ARNT2: variants seen among roughly 807,000 people sequenced by gnomAD.
The protein encoded by ARNT2 is ARNT protein 2.
A neutral mutation model predicts 91.7 loss-of-function variants in ARNT2; 36 were observed. That is an observed-to-expected ratio of 0.39 (90% CI 0.30 to 0.52). The LOEUF is 0.52. Among genes scored for constraint, ARNT2 ranks in the 20% least tolerant of loss-of-function variants. The pLI, the probability that ARNT2 is intolerant of heterozygous loss-of-function variation, is 0.72. For missense variants in ARNT2, 775 were observed against 939.3 expected (o/e 0.83, Z 2.29); for synonymous variants, 365 against 347.1 (o/e 1.05, Z -0.57).
Position 80,574,990 on chromosome 15 carries a change from C to A in ARNT2, c.1393C>A (p.Pro465Thr). Residue 465 changes from proline to threonine, a missense_variant, in exon 14 of 19, where the codon CCC (proline) becomes ACC (threonine). Coordinates refer to ENST00000303329, the MANE Select transcript of ARNT2 (RefSeq NM_014862.4). ...GTTTTATTTAATGTGCAAATAGGTC[C>A]CCGTCCCCAACCTACCAGCCGGTGT... ...GLSSYDLSQVPVPNLPAGVHE... is the reference protein window; with the variant it reads ...GLSSYDLSQVTVPNLPAGVHE... 1.2e-6 allele frequency: 2 copies of A among 1,613,892 alleles called. No individual in the cohort carries two copies. Among genetic ancestry groups the A allele is most frequent in the South Asian group, 1.1e-5 (1 of 91,062 alleles).
chr15:80,467,739 G>A (rs1248607565), intron 3 of ARNT2, among the ~76,000 whole-genome samples: 1 of 152,270 alleles, frequency 6.6e-6, no homozygotes, highest in East Asian at 1.9e-4. Flanking sequence ...GTAGGCTGGC[G>A]AGGCGGGGGC....
intron 8 of ARNT2, among the ~76,000 whole-genome samples, chr15:80,524,737 T>A (rs1897610474): frequency 6.6e-6 from 1 of 151,880 alleles, no homozygotes; most frequent in Non-Finnish European, 1.5e-5. Flanking sequence ...TAGCTGGGCG[T>A]GGTGGCGGGC....
intron 1 of ARNT2, among the ~76,000 whole-genome samples, chr15:80,411,656 T>G (rs1895681992): frequency 6.6e-6 from 1 of 152,186 alleles, no homozygotes; most frequent in Admixed American, 6.5e-5. Context: ...AGGTCAGAAT[T>G]GAACAGTCGA....
chr15:80,404,419 G>T lies in ARNT2; in HGVS notation c.-97G>T. On this transcript the variant is annotated 5_prime_UTR_variant, in exon 1 of 19. Coordinates refer to ENST00000303329, the MANE Select transcript of ARNT2 (RefSeq NM_014862.4). The surrounding 1 kb of genome is among the most constrained non-coding windows in gnomAD (Gnocchi z 5.5). ...CGCCGTCCTTTGTGTGGCGGCGGCG[G>T]CGCCTGGGCCTGACCGGGTCCCCGG... 2 of 782,478 alleles carry T rather than the reference G, an allele frequency of 2.6e-6. No individual in the cohort carries two copies. Among genetic ancestry groups the T allele is most frequent in the East Asian group, 9.6e-5 (1 of 10,452 alleles). The allele number at this position is 782,478 out of a possible 1,614,324, so 48.5% of individuals were successfully genotyped here. A position where few individuals can be genotyped will look rare whatever the true frequency, so the allele number is the denominator to read the frequency against.
chr15:80,564,796 T>C (rs1281011484), intron 12 of ARNT2, among the ~76,000 whole-genome samples: 2 of 152,132 alleles, frequency 1.3e-5, no homozygotes, highest in Non-Finnish European at 2.9e-5. Flanking sequence ...GGTTTTTTGA[T>C]TCTGCATTCA....
Position 80,493,884 on chromosome 15 carries a change from T to A in ARNT2, c.623-14272T>A, listed in dbSNP as rs920294605. 3.7e-4 allele frequency among the ~76,000 whole-genome samples: 56 copies of A among 152,230 alleles called. 2 individuals are homozygous for A. Among genetic ancestry groups the A allele is most frequent in the African/African-American group, 1.0e-3 (42 of 41,534 alleles). ...TGCCCTCCCTGTGGAAATGAGTAAGTTCTCACTCTTTTGGTTCACCTGAGA... is the reference window on the plus strand; with the variant it reads ...TGCCCTCCCTGTGGAAATGAGTAAGATCTCACTCTTTTGGTTCACCTGAGA... On this transcript the variant is annotated intron_variant, in intron 5 of 18. Coordinates refer to ENST00000303329, the MANE Select transcript of ARNT2 (RefSeq NM_014862.4).
At chr15:80,488,525 C>G (rs541181769) in intron 5 of ARNT2, 34 of 152,260 alleles carry the variant, frequency 2.2e-4, no homozygotes, top group African/African-American at 7.9e-4. Context: ...TTCTCAATCT[C>G]ATTGTGCATC....
intron 5 of ARNT2, among the ~76,000 whole-genome samples, chr15:80,488,415 T>C (rs1461048690): frequency 1.3e-5 from 2 of 152,232 alleles, no homozygotes; most frequent in Non-Finnish European, 2.9e-5. Context: ...TTTCGTATTA[T>C]GGCTTTTCTT....
intron 8 of ARNT2, among the ~76,000 whole-genome samples, chr15:80,518,487 G>C (rs934352839): frequency 6.6e-6 from 1 of 151,890 alleles, no homozygotes; most frequent in African/African-American, 2.4e-5. Flanking sequence ...CACCATGTTG[G>C]CCATGGTGGT....
chr15:80,553,186 G>T (rs1015591204), intron 10 of ARNT2, among the ~76,000 whole-genome samples: 14 of 152,120 alleles, frequency 9.2e-5, no homozygotes, highest in Admixed American at 4.6e-4. Context: ...TGTATAGGTG[G>T]CACGTCTTTA....
rs1284741717 is a variant in ARNT2, at chr15:80,478,789, A to C, written c.622+3566A>C. 3.3e-5 allele frequency among the ~76,000 whole-genome samples: 5 copies of C among 152,324 alleles called. No homozygotes were observed. In the East Asian group the frequency reaches 9.6e-4, roughly 29 times the overall value. ...TTCCTGGTGCTCAGGACAGGACTGG[A>C]GTGGGTTTCATATGTAACCAGCCCA... On this transcript the variant is annotated intron_variant, in intron 5 of 18. Transcript: ENST00000303329.
intron 8 of ARNT2, among the ~76,000 whole-genome samples, chr15:80,522,818 GTGTA>G (rs951783741): frequency 7.1e-5 from 8 of 112,198 alleles, no homozygotes; most frequent in Admixed American, 3.2e-4. Context: ...GTGTGTGTGT[GTGTA>G]TATATATATA....
At chr15:80,410,367 C>T (rs1377581491) in intron 1 of ARNT2, among the ~76,000 whole-genome samples, 3 of 152,116 alleles carry the variant, frequency 2.0e-5, no homozygotes, top group Admixed American at 1.3e-4. Flanking sequence ...CTGTCCAACA[C>T]CTGGGTGGTT....
chr15:80,434,087 T>C (rs1595960122), intron 1 of ARNT2: 2 of 152,230 alleles, frequency 1.3e-5, no homozygotes, highest in East Asian at 3.9e-4. Flanking sequence ...AAAGTTAGAG[T>C]GACATCTTTA....
intron 1 of ARNT2, among the ~76,000 whole-genome samples, chr15:80,416,177 G>A (rs981070253): frequency 6.6e-5 from 10 of 152,186 alleles, no homozygotes; most frequent in Non-Finnish European, 1.3e-4. Flanking sequence ...AATGTTTTAT[G>A]TTGAACTTAT....
chr15:80,596,343 G>C lies in ARNT2; in HGVS notation c.*2645G>C, dbSNP rs961698566. On this transcript the variant is annotated 3_prime_UTR_variant, in exon 19 of 19. Transcript: ENST00000303329. ...TAGGCGGGAAATCTGAGTAGAGTCT[G>C]ACTGCAGTTTTTGCTTATGATTTGT... 2.0e-5 allele frequency: 3 copies of C among 152,218 alleles called. No individual in the cohort carries two copies. Among genetic ancestry groups the C allele is most frequent in the Admixed American group, 6.5e-5 (1 of 15,282 alleles). 9.4% of individuals were successfully genotyped at this position (152,218 alleles called of 1,614,324 possible). A position where few individuals can be genotyped will look rare whatever the true frequency, so the allele number is the denominator to read the frequency against.
chr15:80,588,413 G>T (rs1893215979), intron 17 of ARNT2, among the ~76,000 whole-genome samples: 1 of 151,796 alleles, frequency 6.6e-6, no homozygotes, highest in African/African-American at 2.4e-5. Context: ...TTTCTCGGTT[G>T]GTCTCTTTCC....
At chr15:80,431,961 G>T (rs935685110) in intron 1 of ARNT2, among the ~76,000 whole-genome samples, 1 of 152,168 alleles carries the variant, frequency 6.6e-6, no homozygotes, top group Admixed American at 6.5e-5. Context: ...GCCCAGGGCC[G>T]CTCCTCCTTT....
chr15:80,506,148 G>A lies in ARNT2; in HGVS notation c.623-2008G>A, dbSNP rs1329213273. On this transcript the variant is annotated intron_variant, in intron 5 of 18. Transcript: ENST00000303329. ...AGACGGGGTTTCACCTTGTTAGCCA[G>A]GATGGTCTCGATCTCCTGACCTCAT... is the stretch of plus-strand genomic sequence containing the variant. Among the ~76,000 whole-genome samples the A allele has an allele frequency of 2.0e-5, 3 of 152,024 alleles. No individual in the cohort carries two copies. The East Asian group carries it at 5.8e-4, about 29-fold the overall frequency.
Sources: gnomAD v4.1 joint callset for allele counts (sites outside exome capture counted in the v4.1 genomes callset) on GRCh38, gnomAD v4.1.1 for gene constraint, Gnocchi (gnomAD v3.1) non-coding constraint, MANE v1.5 for transcripts, NCBI Gene and HGNC (gene_info 2026-07-23, HGNC 2026-07-21) for gene names.